LRRC4B: variants seen among roughly 807,000 people sequenced by gnomAD.
LRRC4B encodes leucine-rich repeat-containing protein 4B.
Under a neutral mutation model 7.3 loss-of-function variants are expected in LRRC4B, and 1 was observed. The ratio of observed to expected loss-of-function variants is 0.14; its 90% CI spans 0.05 to 0.65. The LOEUF is 0.65. Ranked by LOEUF, LRRC4B falls within the 30% of genes least tolerant of loss-of-function variation. The pLI is 0.84. For synonymous variants in LRRC4B, 500 were observed against 499.2 expected (o/e 1.00, Z -0.02); for missense variants, 730 against 1,041.6 (o/e 0.70, Z 4.12).
In LRRC4B at chr19:50,518,131, C is replaced by T; in HGVS notation, c.1582G>A (p.Gly528Arg). Residue 528 changes from glycine (G) to arginine (R), a missense_variant, in exon 3 of 3, where the codon GGG (glycine) becomes AGG (arginine). This residue lies in a region of LRRC4B where 192 missense variants were observed against 228.6 expected (regional missense o/e 0.84). Coordinates refer to ENST00000652263, the MANE Select transcript of LRRC4B (RefSeq NM_001080457.2). Reference protein sequence around the residue: ...TDGVWGGGRPGDAAGPASSST... With the variant: ...TDGVWGGGRPRDAAGPASSST... ...GACGAGGCAGGGCCGGCCGCGTCCC[C>T]AGGCCGGCCCCCACCCCAGACACCG... is the stretch of plus-strand genomic sequence containing the variant. 1 of 1,594,640 alleles carries T rather than the reference C, an allele frequency of 6.3e-7. No homozygotes were observed. The highest frequency in any genetic ancestry group is 8.5e-7 in the Non-Finnish European group (1 of 1,174,572).
At chr19:50,565,597 G>C (rs938274362) in intron 1 of LRRC4B, among the ~76,000 whole-genome samples, 24 of 151,596 alleles carry the variant, frequency 1.6e-4, no homozygotes, top group African/African-American at 5.8e-4. Context: ...CACGTGCCCC[G>C]TGTCTTCCTC....
chr19:50,536,561 G>A (rs895407880), intron 2 of LRRC4B, among the ~76,000 whole-genome samples: 9 of 152,198 alleles, frequency 5.9e-5, no homozygotes, highest in Non-Finnish European at 1.3e-4. Context: ...AAACAAATCA[G>A]GGCTGCACTG....
chr19:50,567,106 A>T (rs1362656519), intron 1 of LRRC4B, among the ~76,000 whole-genome samples: 1 of 146,942 alleles, frequency 6.8e-6, no homozygotes, highest in Non-Finnish European at 1.5e-5. Flanking sequence ...TGAGGGTCGG[A>T]AGCCTGGGGA....
chr19:50,552,359 G>A (rs1395564982), intron 1 of LRRC4B, among the ~76,000 whole-genome samples: 1 of 151,952 alleles, frequency 6.6e-6, no homozygotes, highest in Admixed American at 6.6e-5. Context: ...ACCGGCACTG[G>A]AACCTGCGCC....
At chr19:50,538,189 A>T (rs1417406384) in intron 2 of LRRC4B, among the ~76,000 whole-genome samples, 6 of 152,108 alleles carry the variant, frequency 3.9e-5, no homozygotes, top group Admixed American at 1.3e-4. Context: ...CAGCCTCCTG[A>T]GTAGCTAGTA....
rs1283233991 is a variant in LRRC4B, at chr19:50,537,728, GA to G, written c.297+10813del. Among the ~76,000 whole-genome samples the G allele has an allele frequency of 6.6e-6, 1 of 152,064 alleles. No homozygotes were observed. The highest frequency in any genetic ancestry group is 2.4e-5 in the African/African-American group (1 of 41,382). The stretch of plus-strand genomic sequence containing the variant: ...AGTCATCATGAGAAAAAGTTAAGAA[GA>G]AACTGACAAAGTATGGGAAATCCTA... On this transcript the variant is annotated intron_variant, in intron 2 of 2. Transcript: ENST00000652263. This position sits in a 1 kb window ranked among gnomAD's most constrained non-coding sequence, Gnocchi z 5.5.
chr19:50,547,533 CAGG>C (rs1981866014), intron 2 of LRRC4B, among the ~76,000 whole-genome samples: 2 of 151,700 alleles, frequency 1.3e-5, no homozygotes, highest in African/African-American at 4.8e-5. Context: ...CAGGCTGGAA[CAGG>C]AGGAGGCTTG....
intron 2 of LRRC4B, among the ~76,000 whole-genome samples, chr19:50,538,626 TG>T (rs1981403849): frequency 7.2e-6 from 1 of 138,162 alleles, no homozygotes; most frequent in African/African-American, 2.7e-5. Flanking sequence ...TGGAGTCCAG[TG>T]GCAAAATCAC....
intron 2 of LRRC4B, among the ~76,000 whole-genome samples, chr19:50,540,135 A>G (rs1193174998): frequency 6.6e-6 from 1 of 152,108 alleles, no homozygotes; most frequent in Non-Finnish European, 1.5e-5. Context: ...ATCCACTATT[A>G]TTTGAAACTC....
intron 2 of LRRC4B, among the ~76,000 whole-genome samples, chr19:50,541,077 G>A (rs1269565444): frequency 6.6e-6 from 1 of 151,790 alleles, no homozygotes; most frequent in Non-Finnish European, 1.5e-5. Flanking sequence ...CCAGCTACTC[G>A]GGAGGCTGAA....
chr19:50,560,855 G>A (rs62116097), intron 1 of LRRC4B, among the ~76,000 whole-genome samples: 19,022 of 151,986 alleles, frequency 0.13, 1,236 homozygotes, highest in South Asian at 0.19. Flanking sequence ...TTGGGAGGCC[G>A]AGACGGGCGG....
chr19:50,552,087 A>G (rs1982091634), intron 1 of LRRC4B, among the ~76,000 whole-genome samples: 1 of 152,076 alleles, frequency 6.6e-6, no homozygotes, highest in Non-Finnish European at 1.5e-5. Context: ...CTGCCCAAGA[A>G]AGGGGGGTGG....
intron 2 of LRRC4B, among the ~76,000 whole-genome samples, chr19:50,540,971 C>T (rs1286760542): frequency 3.3e-5 from 5 of 151,836 alleles, no homozygotes; most frequent in Non-Finnish European, 7.4e-5. Context: ...ATCATGAGGT[C>T]AGGAGATCGA....
In LRRC4B at chr19:50,548,283, G is replaced by A. The variant is rs753611353; in HGVS notation, c.297+259C>T. Among the ~76,000 whole-genome samples the A allele has an allele frequency of 4.6e-5, 7 of 152,232 alleles. No individual in the cohort carries two copies. Among genetic ancestry groups the A allele is most frequent in the East Asian group, 1.9e-4 (1 of 5,186 alleles). ...CGACCCGCCTGTCCTGTGCCGGGGG[G>A]GCTGGGCAGGTGGCCTGCACTTGGG... On this transcript the variant is annotated intron_variant, in intron 2 of 2. Coordinates refer to ENST00000652263, the MANE Select transcript of LRRC4B (RefSeq NM_001080457.2). The surrounding 1 kb of genome is among the most constrained non-coding windows in gnomAD (Gnocchi z 6.8).
At chr19:50,538,013 T>C (rs1195877244) in intron 2 of LRRC4B, among the ~76,000 whole-genome samples, 3 of 152,186 alleles carry the variant, frequency 2.0e-5, no homozygotes, top group Non-Finnish European at 4.4e-5. Flanking sequence ...GGTCAGCTCC[T>C]AGATTCCCCT....
At chr19:50,549,777 C>T (rs1599780557) in intron 1 of LRRC4B, among the ~76,000 whole-genome samples, 1 of 152,304 alleles carries the variant, frequency 6.6e-6, no homozygotes, top group East Asian at 1.9e-4. Flanking sequence ...CCTCCTTTGC[C>T]CCGAGACTGT....
Position 50,537,861 on chromosome 19 carries a change from C to A in LRRC4B, c.297+10681G>T, listed in dbSNP as rs1981356188. Among the ~76,000 whole-genome samples, 1 of 152,006 alleles carries A rather than the reference C, an allele frequency of 6.6e-6. No individual in the cohort carries two copies. Among genetic ancestry groups the A allele is most frequent in the Non-Finnish European group, 1.5e-5 (1 of 67,982 alleles). On this transcript the variant is annotated intron_variant, in intron 2 of 2. Coordinates refer to ENST00000652263, the MANE Select transcript of LRRC4B (RefSeq NM_001080457.2). This position sits in a 1 kb window ranked among gnomAD's most constrained non-coding sequence, Gnocchi z 5.5. ...AGGATAACTCAGCTGGAATGAGAGCCAGGGAGGCCGCAGTTAGACACGAAG... is the reference window on the plus strand; with the variant it reads ...AGGATAACTCAGCTGGAATGAGAGCAAGGGAGGCCGCAGTTAGACACGAAG...
At chr19:50,567,658 A>G (rs1982675820) in intron 1 of LRRC4B, among the ~76,000 whole-genome samples, 1 of 146,682 alleles carries the variant, frequency 6.8e-6, no homozygotes, top group Non-Finnish European at 1.5e-5. Flanking sequence ...ACAGCTGGAT[A>G]CGCAGCGACC....
rs1395795930 is a variant in LRRC4B at position 50,555,702 on chromosome 19, G to A, written c.-35-6829C>T. 6.6e-6 allele frequency: 1 copy of A among 152,394 alleles called. No individual in the cohort carries two copies. The highest frequency in any genetic ancestry group is 1.9e-4 in the East Asian group (1 of 5,194). The allele number at this position is 152,394 out of a possible 1,614,324, so 9.4% of individuals were successfully genotyped here. Reference sequence around the variant, plus strand: ...AGGCAGATGGCAGATCGGAAACTCGGGGACCCAGGAGAGGCGGGGTGAGGA... The same window carrying A: ...AGGCAGATGGCAGATCGGAAACTCGAGGACCCAGGAGAGGCGGGGTGAGGA... On this transcript the variant is annotated intron_variant, in intron 1 of 2. Coordinates refer to ENST00000652263, the MANE Select transcript of LRRC4B (RefSeq NM_001080457.2). This position sits in a 1 kb window ranked among gnomAD's most constrained non-coding sequence, Gnocchi z 5.2.
Sources: gnomAD v4.1 joint callset for allele counts (sites outside exome capture counted in the v4.1 genomes callset) on GRCh38, gnomAD v4.1.1 for gene constraint, gnomAD v4.1.1 regional missense constraint, Gnocchi (gnomAD v3.1) non-coding constraint, MANE v1.5 for transcripts, NCBI Gene and HGNC (gene_info 2026-07-23, HGNC 2026-07-21) for gene names.